Variants in PRKN observed in about 807,000 individuals in gnomAD.
The protein encoded by PRKN is E3 ubiquitin-protein ligase parkin.
Under a neutral mutation model 59.5 loss-of-function variants are expected in PRKN, and 56 were observed. The observed-to-expected ratio is 0.94, with a 90% confidence interval of 0.76 to 1.18. The LOEUF (loss-of-function observed/expected upper bound fraction) is 1.18, where lower values mean the gene tolerates loss of function less well. PRKN is among the 50% of genes most tolerant of loss of function. The pLI, the probability that PRKN is intolerant of heterozygous loss-of-function variation, is 0.00. For missense variants in PRKN, 657 were observed against 596.4 expected (o/e 1.10, Z -1.06); for synonymous variants, 250 against 222.1 (o/e 1.13, Z -1.12).
At chr6:161,787,396 A>T (rs539314868) in intron 6 of PRKN, among the ~76,000 whole-genome samples, 65 of 152,196 alleles carry the variant, frequency 4.3e-4, no homozygotes, top group Non-Finnish European at 7.1e-4. Flanking sequence ...GTCCTTCATA[A>T]TGCTTTCCTA....
intron 7 of PRKN, among the ~76,000 whole-genome samples, chr6:161,570,578 T>A (rs1295032163): frequency 6.6e-6 from 1 of 151,946 alleles, no homozygotes; most frequent in Non-Finnish European, 1.5e-5. Flanking sequence ...TTTCACTTAA[T>A]GGATAGTTAA....
At chr6:162,323,225 A>T (rs1355511160) in intron 2 of PRKN, among the ~76,000 whole-genome samples, 1 of 151,744 alleles carries the variant, frequency 6.6e-6, no homozygotes, top group Non-Finnish European at 1.5e-5. Context: ...CTTAAAGTAT[A>T]ATAAAAAAAA....
intron 9 of PRKN, among the ~76,000 whole-genome samples, chr6:161,495,334 G>C (rs1777708879): frequency 1.3e-5 from 2 of 152,160 alleles, no homozygotes; most frequent in African/African-American, 4.8e-5. Flanking sequence ...ACATGCTATG[G>C]CTCATAGTTG....
intron 1 of PRKN, among the ~76,000 whole-genome samples, chr6:162,567,574 A>G (rs1042287273): frequency 9.9e-5 from 15 of 151,888 alleles, no homozygotes; most frequent in African/African-American, 2.9e-4. Flanking sequence ...GAAGCAAAAG[A>G]TCTCTATAAT....
At chr6:162,485,889 T>C (rs1893113) in intron 1 of PRKN, among the ~76,000 whole-genome samples, 82,037 of 152,006 alleles carry the variant, frequency 0.54, 22,500 homozygotes, top group African/African-American at 0.64. Flanking sequence ...TAAAGGCTTG[T>C]TAGAAAATCC....
At position 161,456,140 on chromosome 6, in the gene PRKN, C is replaced by T. The variant is rs1789958421; in HGVS notation, c.1084-69263G>A. Among the ~76,000 whole-genome samples, 1 of 152,076 alleles carries T rather than the reference C, an allele frequency of 6.6e-6. No individual in the cohort carries two copies. Among genetic ancestry groups the T allele is most frequent in the South Asian group, 2.1e-4 (1 of 4,822 alleles). On this transcript the variant is annotated intron_variant, in intron 9 of 11. Coordinates refer to ENST00000366898, the MANE Select transcript of PRKN (RefSeq NM_004562.3). The surrounding 1 kb of genome is among the most constrained non-coding windows in gnomAD (Gnocchi z 4.8). ...CGCAAAGTATTGTTCCTGGGTGTGTCTGTGAGGGTGTTGCCAAAGGAGATT... is the reference window on the plus strand; with the variant it reads ...CGCAAAGTATTGTTCCTGGGTGTGTTTGTGAGGGTGTTGCCAAAGGAGATT...
chr6:161,828,054 A>G (rs1778025416), intron 6 of PRKN, among the ~76,000 whole-genome samples: 3 of 152,202 alleles, frequency 2.0e-5, no homozygotes, highest in African/African-American at 7.2e-5. Context: ...TCAAGACCTT[A>G]GGAATAAAGG....
At chr6:161,564,922 C>T (rs971432271) in intron 8 of PRKN, among the ~76,000 whole-genome samples, 1 of 152,222 alleles carries the variant, frequency 6.6e-6, no homozygotes, top group African/African-American at 2.4e-5. Flanking sequence ...GCTGACCATG[C>T]AGCTCCTCCA....
chr6:161,801,829 A>G (rs1440338210), intron 6 of PRKN, among the ~76,000 whole-genome samples: 1 of 152,078 alleles, frequency 6.6e-6, no homozygotes, highest in Non-Finnish European at 1.5e-5. Context: ...TCGGGTGAAC[A>G]ATGGGATGTA....
intron 5 of PRKN, among the ~76,000 whole-genome samples, chr6:161,977,467 A>C (rs1781074538): frequency 6.7e-6 from 1 of 149,826 alleles, no homozygotes; most frequent in Non-Finnish European, 1.5e-5. Flanking sequence ...CATTGTCTTT[A>C]TTATACTGCA....
chr6:162,480,972 ATT>A (rs978869458), intron 1 of PRKN, among the ~76,000 whole-genome samples: 17 of 143,744 alleles, frequency 1.2e-4, no homozygotes, highest in African/African-American at 2.6e-4. Flanking sequence ...AGCCCAGCTA[ATT>A]TTTGTGTGTG....
At position 161,581,609 on chromosome 6, in the gene PRKN, C is replaced by A. The variant is rs1422388479; in HGVS notation, c.872-12193G>T. Among the ~76,000 whole-genome samples the A allele has an allele frequency of 6.6e-6, 1 of 152,014 alleles. No individual in the cohort carries two copies. ...ACTTACTTATGGACAAGGTGAAGGGCGTTGGGCCTATGTCATCAACAGTGA... is the reference window on the plus strand; with the variant it reads ...ACTTACTTATGGACAAGGTGAAGGGAGTTGGGCCTATGTCATCAACAGTGA... On this transcript the variant is annotated intron_variant, in intron 7 of 11. Coordinates refer to ENST00000366898, the MANE Select transcript of PRKN (RefSeq NM_004562.3). The surrounding 1 kb of genome is among the most constrained non-coding windows in gnomAD (Gnocchi z 4.5).
At chr6:162,478,360 AG>A (rs1792128081) in intron 1 of PRKN, among the ~76,000 whole-genome samples, 2 of 152,186 alleles carry the variant, frequency 1.3e-5, no homozygotes. Context: ...CTTAAACACT[AG>A]GGAGAACAAC....
At chr6:162,210,133 A>G (rs899962746) in intron 3 of PRKN, among the ~76,000 whole-genome samples, 5 of 152,054 alleles carry the variant, frequency 3.3e-5, no homozygotes, top group Admixed American at 6.5e-5. Flanking sequence ...AAAATAAAAT[A>G]AAGAGGCAGC....
chr6:162,587,593 T>G (rs1212371617), intron 1 of PRKN, among the ~76,000 whole-genome samples: 2 of 152,148 alleles, frequency 1.3e-5, no homozygotes, highest in African/African-American at 4.8e-5. Flanking sequence ...TAAATATATT[T>G]ATGATAATAT....
At chr6:162,282,676 C>A (rs79628474) in intron 2 of PRKN, among the ~76,000 whole-genome samples, 1,926 of 152,214 alleles carry the variant, frequency 0.013, 43 homozygotes, top group African/African-American at 0.041. Flanking sequence ...TAGAAGTACA[C>A]GGAAAAGAAG....
intron 9 of PRKN, among the ~76,000 whole-genome samples, chr6:161,469,955 G>A (rs16892554): frequency 0.079 from 12,044 of 152,198 alleles, 681 homozygotes; most frequent in African/African-American, 0.16. Flanking sequence ...TAATTGTTCC[G>A]CTTAAAAATT....
In PRKN at chr6:162,284,227, T is replaced by C. The variant is rs1370891279; in HGVS notation, c.172-21462A>G. 8.5e-5 allele frequency among the ~76,000 whole-genome samples: 12 copies of C among 141,914 alleles called. No homozygotes were observed. The South Asian group carries it at 1.2e-3, about 14-fold the overall frequency. The allele number at this position is 141,914 out of a possible 152,430, so 93.1% of individuals were successfully genotyped here. A position where few individuals can be genotyped will look rare whatever the true frequency, so the allele number is the denominator to read the frequency against. Reference sequence around the variant, plus strand: ...GTGTTATTTCTTTCTTTTTTTTTTTTTTTTTTTTTTTTTTGAGATAGAGTT... The same window carrying C: ...GTGTTATTTCTTTCTTTTTTTTTTTCTTTTTTTTTTTTTTGAGATAGAGTT... On this transcript the variant is annotated intron_variant, in intron 2 of 11. Coordinates refer to ENST00000366898, the MANE Select transcript of PRKN (RefSeq NM_004562.3).
intron 2 of PRKN, among the ~76,000 whole-genome samples, chr6:162,427,654 C>CTT (rs543234365): frequency 7.0e-6 from 1 of 142,086 alleles, no homozygotes; most frequent in African/African-American, 2.6e-5. Flanking sequence ...GTTTTTTTTT[C>CTT]TTTTTTTTTT....
Sources: gnomAD v4.1 joint callset for allele counts (sites outside exome capture counted in the v4.1 genomes callset) on GRCh38, gnomAD v4.1.1 for gene constraint, Gnocchi (gnomAD v3.1) non-coding constraint, MANE v1.5 for transcripts, NCBI Gene and HGNC (gene_info 2026-07-23, HGNC 2026-07-21) for gene names.